Variants in FHIT observed in about 807,000 individuals in gnomAD.
The protein encoded by FHIT is fragile histidine triad diadenosine triphosphatase.
Under a neutral mutation model 17.9 loss-of-function variants are expected in FHIT, and 19 were observed. The observed-to-expected ratio is 1.06, with a 90% confidence interval of 0.74 to 1.56. FHIT has a LOEUF of 1.56. FHIT is among the 40% of genes most tolerant of loss of function. FHIT has a pLI of 0.00. For synonymous variants in FHIT, 81 were observed against 69.7 expected (o/e 1.16, Z -0.81); for missense variants, 248 against 189.2 (o/e 1.31, Z -1.82).
chr3:60,132,134 A>C (rs1191524926), intron 5 of FHIT, among the ~76,000 whole-genome samples: 1 of 152,126 alleles, frequency 6.6e-6, no homozygotes, highest in Non-Finnish European at 1.5e-5. Context: ...AGAGCTTTCC[A>C]TGTCCCCCTT....
intron 3 of FHIT, among the ~76,000 whole-genome samples, chr3:60,826,729 C>T (rs1268314997): frequency 2.6e-5 from 4 of 152,140 alleles, no homozygotes; most frequent in Non-Finnish European, 2.9e-5. Context: ...CCGGAAGCAG[C>T]CATGGTCTTC....
At chr3:60,793,405 C>A (rs1265134538) in intron 4 of FHIT, among the ~76,000 whole-genome samples, 6 of 151,920 alleles carry the variant, frequency 3.9e-5, no homozygotes, top group Non-Finnish European at 8.8e-5. Context: ...TGGGTTCAAG[C>A]AATTCTCCTA....
intron 5 of FHIT, among the ~76,000 whole-genome samples, chr3:60,030,357 T>C (rs1276673949): frequency 6.6e-6 from 1 of 152,182 alleles, no homozygotes; most frequent in Non-Finnish European, 1.5e-5. Flanking sequence ...GCCCTTTCTG[T>C]AGTGCATTAT....
Position 60,633,270 on chromosome 3 carries a change from CTG to C in FHIT, c.-17-96293_-17-96292del, listed in dbSNP as rs377551630. ...ACATCCCGATTGCACGATGAACTAG[CTG>C]TGTGATATTGAGCAAGTGACTTAAC... is the stretch of plus-strand genomic sequence containing the variant. On this transcript the variant is annotated intron_variant, in intron 4 of 9. Transcript: ENST00000492590. 2.6e-3 allele frequency among the ~76,000 whole-genome samples: 400 copies of C among 152,230 alleles called. 4 individuals carry two copies. The highest frequency in any genetic ancestry group is 8.9e-3 in the African/African-American group (370 of 41,542).
At chr3:59,803,850 G>C (rs1483708369) in intron 8 of FHIT, among the ~76,000 whole-genome samples, 1 of 152,068 alleles carries the variant, frequency 6.6e-6, no homozygotes, top group Non-Finnish European at 1.5e-5. Flanking sequence ...CAGAATTAAA[G>C]AGGCACAAAA....
At chr3:59,876,402 T>C (rs1223877354) in intron 8 of FHIT, among the ~76,000 whole-genome samples, 1 of 151,892 alleles carries the variant, frequency 6.6e-6, no homozygotes, top group Admixed American at 6.6e-5. Context: ...TATAGAGAAG[T>C]ATTTGGCTTC....
chr3:60,048,062 C>T (rs1281427005), intron 5 of FHIT, among the ~76,000 whole-genome samples: 1 of 152,224 alleles, frequency 6.6e-6, no homozygotes, highest in Non-Finnish European at 1.5e-5. Flanking sequence ...ATGGTCTTCA[C>T]CGTGTGTGCA....
At chr3:60,437,726 C>T (rs2030403112) in intron 5 of FHIT, among the ~76,000 whole-genome samples, 1 of 152,060 alleles carries the variant, frequency 6.6e-6, no homozygotes, top group Admixed American at 6.6e-5. Context: ...GATATAAATT[C>T]ATATTTATGT....
In FHIT at chr3:60,621,382, C is replaced by G. The variant is rs530534946; in HGVS notation, c.-17-84403G>C. On this transcript the variant is annotated intron_variant, in intron 4 of 9. Transcript: ENST00000492590. ...GCCAGGCTGGTCTCGAACTCCTGAC[C>G]TCATGATCTGCCCGCCTCAGCCTCC... 1.2e-3 allele frequency among the ~76,000 whole-genome samples: 186 copies of G among 152,094 alleles called. 1 individual carries two copies. Among genetic ancestry groups the G allele is most frequent in the African/African-American group, 4.4e-3 (184 of 41,500 alleles).
chr3:60,373,463 A>G (rs1227214433), intron 5 of FHIT, among the ~76,000 whole-genome samples: 1 of 152,216 alleles, frequency 6.6e-6, no homozygotes, highest in Non-Finnish European at 1.5e-5. Context: ...CTAGGCAGAG[A>G]ATAAGCAGAG....
Position 59,759,470 on chromosome 3 carries a change from C to T in FHIT, c.349-7149G>A, listed in dbSNP as rs551079739. On this transcript the variant is annotated intron_variant, in intron 8 of 9. Coordinates refer to ENST00000492590, the MANE Select transcript of FHIT (RefSeq NM_002012.4). ...GACTTGGCCCCTCACTATAGATGGA[C>T]CTTGTCATCTGGCAGCTTTCTCCCT... Among the ~76,000 whole-genome samples, 11 of 152,264 alleles carry T rather than the reference C, an allele frequency of 7.2e-5. No homozygotes were observed. The East Asian group carries it at 1.4e-3, about 19-fold the overall frequency.
chr3:61,214,222 G>A (rs572394402), intron 1 of FHIT, among the ~76,000 whole-genome samples: 1 of 151,806 alleles, frequency 6.6e-6, no homozygotes, highest in Non-Finnish European at 1.5e-5. Context: ...CCAGGAGCTG[G>A]TTTTTTGAAA....
intron 8 of FHIT, among the ~76,000 whole-genome samples, chr3:59,864,014 C>A (rs994098272): frequency 6.6e-6 from 1 of 152,144 alleles, no homozygotes; most frequent in African/African-American, 2.4e-5. Context: ...TAGGTGGAAG[C>A]CTTTATGAGT....
intron 5 of FHIT, among the ~76,000 whole-genome samples, chr3:60,194,675 A>G (rs185551159): frequency 6.6e-6 from 1 of 152,328 alleles, no homozygotes; most frequent in Admixed American, 6.5e-5. Flanking sequence ...ATATTTGCAA[A>G]CTATGCATCT....
chr3:60,395,928 C>A (rs1312666292), intron 5 of FHIT, among the ~76,000 whole-genome samples: 1 of 152,178 alleles, frequency 6.6e-6, no homozygotes, highest in Non-Finnish European at 1.5e-5. Context: ...TAAAAAGACA[C>A]AGACTACAGA....
At chr3:60,638,829 T>C (rs1300820247) in intron 4 of FHIT, among the ~76,000 whole-genome samples, 1 of 151,608 alleles carries the variant, frequency 6.6e-6, no homozygotes, top group African/African-American at 2.4e-5. Flanking sequence ...AAAGAGGGTG[T>C]GAATGGCATA....
At position 60,890,526 on chromosome 3, in the gene FHIT, A is replaced by G. The variant is rs185104982; in HGVS notation, c.-110-68515T>C. ...TGAGGTAGTCTATTACACAGCAATC[A>G]ATAACTGAAACAATAACCCAAACTG... On this transcript the variant is annotated intron_variant, in intron 3 of 9. Transcript: ENST00000492590. Among the ~76,000 whole-genome samples the G allele has an allele frequency of 1.1e-3, 172 of 152,364 alleles. 1 individual carries two copies. The highest frequency in any genetic ancestry group is 6.9e-4 in the Non-Finnish European group (47 of 68,034).
At chr3:60,210,527 T>C (rs1312374688) in intron 5 of FHIT, among the ~76,000 whole-genome samples, 6 of 442 alleles carry the variant, frequency 0.014, no homozygotes, top group African/African-American at 0.037. Flanking sequence ...AAATCCCCAA[T>C]ATACACCAGG....
intron 3 of FHIT, among the ~76,000 whole-genome samples, chr3:60,946,545 C>T (rs138908545): frequency 6.6e-6 from 1 of 151,948 alleles, no homozygotes; most frequent in Non-Finnish European, 1.5e-5. Flanking sequence ...CCTGATAGAC[C>T]AGGTATGAGT....
Sources: allele counts gnomAD v4.1 joint callset (sites outside exome capture counted in the v4.1 genomes callset), GRCh38; gene constraint gnomAD v4.1.1; transcripts MANE v1.5; gene names NCBI Gene and HGNC (gene_info 2026-07-23, HGNC 2026-07-21).